CEP83: variants seen among roughly 807,000 people sequenced by gnomAD.
CEP83 encodes centrosomal protein 83, also known as centrosomal protein of 83 kDa.
In CEP83, 70 loss-of-function variants were observed where a neutral mutation model predicts 101.9. The observed-to-expected ratio is 0.69, with a 90% CI of 0.57 to 0.84. The LOEUF (loss-of-function observed/expected upper bound fraction) is 0.84, where lower values mean the gene tolerates loss of function less well. CEP83 is among the 40% of genes least tolerant of loss of function. The pLI is 0.00. For synonymous variants in CEP83, 264 were observed against 267.9 expected (o/e 0.99, Z 0.14); for missense variants, 715 against 787.2 (o/e 0.91, Z 1.10).
intron 7 of CEP83, among the ~76,000 whole-genome samples, chr12:94,377,857 C>T (rs2061632536): frequency 6.6e-6 from 1 of 152,136 alleles, no homozygotes; most frequent in South Asian, 2.1e-4. Flanking sequence ...CAATGAACTG[C>T]TTCATGTTTA....
At chr12:94,334,264 G>A (rs897446976) in intron 12 of CEP83, among the ~76,000 whole-genome samples, 3 of 152,064 alleles carry the variant, frequency 2.0e-5, no homozygotes, top group African/African-American at 7.2e-5. Flanking sequence ...TAGATTCCTT[G>A]GCCTCTACAG....
Position 94,400,889 on chromosome 12 carries a change from T to G in CEP83, c.510A>C (p.Ala170=). The G allele has an allele frequency of 6.7e-7, 1 of 1,503,506 alleles. No individual in the cohort carries two copies. The allele number at this position is 1,503,506 out of a possible 1,614,324, so 93.1% of individuals were successfully genotyped here. A position where few individuals can be genotyped will look rare whatever the true frequency, so the allele number is the denominator to read the frequency against. ...SEFEHQKEEY[A]RILDEGKIKY... ...TTATTTTTCCTTCATCTAAAATACG[T>G]GCATACTCTTCCTTCTGGTGTTCAA... Residue 170 remains alanine (A), a synonymous_variant, in exon 6 of 17, where the codon GCA becomes GCC. Transcript: ENST00000397809.
At chr12:94,354,697 T>G (rs1373344183) in intron 11 of CEP83, among the ~76,000 whole-genome samples, 1 of 152,100 alleles carries the variant, frequency 6.6e-6, no homozygotes, top group Non-Finnish European at 1.5e-5. Context: ...GAATGACCAA[T>G]GAGTCAAGGA....
chr12:94,457,544 T>C (rs892274273), intron 1 of CEP83, among the ~76,000 whole-genome samples: 1 of 152,246 alleles, frequency 6.6e-6, no homozygotes, highest in Non-Finnish European at 1.5e-5. Flanking sequence ...GAGTCATTCT[T>C]GATTTGTCTC....
chr12:94,438,267 A>T (rs2066144451), intron 1 of CEP83, among the ~76,000 whole-genome samples: 1 of 151,990 alleles, frequency 6.6e-6, no homozygotes, highest in African/African-American at 2.4e-5. Flanking sequence ...AATGGATAAA[A>T]ATCTACCAAG....
chr12:94,279,888 T>C, the CEP83 span: 1 of 662,794 alleles, frequency 1.5e-6, no homozygotes, highest in Non-Finnish European at 2.8e-6. Context: ...TTGTTGTCTT[T>C]AAATATTACG....
chr12:94,298,150 T>C, the CEP83 span, among the ~76,000 whole-genome samples: 4 of 152,232 alleles, frequency 2.6e-5, no homozygotes, highest in Non-Finnish European at 5.9e-5. Context: ...AGCTGTCCCA[T>C]AGAGCCCAGC....
downstream of CEP83, chr12:94,304,077 T>A: frequency 7.3e-7 from 1 of 1,366,964 alleles, no homozygotes; most frequent in South Asian, 1.2e-5. Context: ...ACATTGTTTT[T>A]AACCTTTGAA....
intron 6 of CEP83, among the ~76,000 whole-genome samples, chr12:94,391,103 T>C (rs1007130202): frequency 2.6e-5 from 4 of 152,004 alleles, no homozygotes; most frequent in South Asian, 2.1e-4. Context: ...CAGGCCAACA[T>C]TCAAATTCAG....
At chr12:94,358,047 C>A (rs947213742) in intron 11 of CEP83, among the ~76,000 whole-genome samples, 5 of 152,180 alleles carry the variant, frequency 3.3e-5, no homozygotes, top group African/African-American at 1.2e-4. Context: ...CAGGAGCAGA[C>A]ATTTCAATCA....
the CEP83 span, among the ~76,000 whole-genome samples, chr12:94,273,026 C>A: frequency 4.6e-5 from 7 of 152,074 alleles, no homozygotes; most frequent in African/African-American, 1.7e-4. Context: ...AGTTATGACT[C>A]CCACCGGCTC....
Position 94,310,121 on chromosome 12 carries a change from A to G in CEP83, c.1812-14T>C, listed in dbSNP as rs1171733594. On this transcript the variant is annotated splice_polypyrimidine_tract_variant and intron_variant, in intron 15 of 16. Coordinates refer to ENST00000397809, the MANE Select transcript of CEP83 (RefSeq NM_016122.3). ...GGAACATTTTGTCTTAAAAAGAAAA[A>G]GAAATGTTTCTTTAACATGGTTATA... 2 of 1,439,346 alleles carry G rather than the reference A, an allele frequency of 1.4e-6. No individual in the cohort carries two copies. The highest frequency in any genetic ancestry group is 2.8e-5 in the African/African-American group (2 of 70,628). The allele number at this position is 1,439,346 out of a possible 1,614,324, so 89.2% of individuals were successfully genotyped here. A position where few individuals can be genotyped will look rare whatever the true frequency, so the allele number is the denominator to read the frequency against.
At chr12:94,395,965 A>G (rs910428918) in intron 6 of CEP83, among the ~76,000 whole-genome samples, 1 of 152,220 alleles carries the variant, frequency 6.6e-6, no homozygotes, top group Non-Finnish European at 1.5e-5. Context: ...GAAGAAACTC[A>G]GTGACCTGTC....
intron 14 of CEP83, among the ~76,000 whole-genome samples, chr12:94,326,456 A>C (rs2058978046): frequency 6.6e-6 from 1 of 152,132 alleles, no homozygotes; most frequent in Admixed American, 6.6e-5. Flanking sequence ...TGTGGGACTG[A>C]GCCGTTTAAC....
chr12:94,296,921 T>C, the CEP83 span, among the ~76,000 whole-genome samples: 2 of 152,180 alleles, frequency 1.3e-5, no homozygotes, highest in African/African-American at 4.8e-5. Context: ...GTTAAATGAA[T>C]GAGGCTTGAG....
At chr12:94,318,347 C>T (rs893554425) in intron 14 of CEP83, among the ~76,000 whole-genome samples, 14 of 152,100 alleles carry the variant, frequency 9.2e-5, no homozygotes, top group Non-Finnish European at 1.9e-4. Context: ...AAAACCATGT[C>T]GACTGCAAAC....
the CEP83 span, among the ~76,000 whole-genome samples, chr12:94,293,388 A>G: frequency 6.6e-6 from 1 of 152,242 alleles, no homozygotes; most frequent in Non-Finnish European, 1.5e-5. Context: ...AACCCATTTC[A>G]GCATTTCTTA....
chr12:94,307,451 C>G (rs969939037), downstream of CEP83: 1 of 152,152 alleles, frequency 6.6e-6, no homozygotes, highest in Admixed American at 6.5e-5. Context: ...AAATGGCAAA[C>G]AATTTCTATT....
intron 2 of CEP83, among the ~76,000 whole-genome samples, chr12:94,423,011 C>T (rs540740315): frequency 6.6e-6 from 1 of 152,208 alleles, no homozygotes; most frequent in East Asian, 1.9e-4. Context: ...TTATATTTAA[C>T]TTTGTGTAAG....
Sources: allele counts gnomAD v4.1 joint callset (sites outside exome capture counted in the v4.1 genomes callset), GRCh38; gene constraint gnomAD v4.1.1; transcripts MANE v1.5; gene names NCBI Gene and HGNC (gene_info 2026-07-23, HGNC 2026-07-21).